Variants in TLE1 observed in about 807,000 individuals in gnomAD.
TLE1 encodes the protein TLE family member 1, transcriptional corepressor, also known as transducin-like enhancer protein 1.
TLE1 carries 21 observed loss-of-function variants against 89.8 expected under a neutral mutation model. That is an observed-to-expected ratio of 0.23 (90% confidence interval 0.17 to 0.34). TLE1 has a LOEUF of 0.34. TLE1 is among the 10% of genes least tolerant of loss of function. The probability of loss-of-function intolerance (pLI) is 1.00; values close to 1 mark genes in which losing one functional copy is unlikely to be tolerated. For synonymous variants in TLE1, 447 were observed against 407.6 expected (o/e 1.10, Z -1.16); for missense variants, 795 against 1,031.2 (o/e 0.77, Z 3.14).
intron 8 of TLE1, among the ~76,000 whole-genome samples, chr9:81,628,740 A>G (rs1487299844): frequency 6.8e-6 from 1 of 146,086 alleles, no homozygotes; most frequent in Non-Finnish European, 1.5e-5. Context: ...GGTCGCTCAG[A>G]TTACTAACTC....
At chr9:81,601,085 G>C (rs1237354439) in intron 14 of TLE1, among the ~76,000 whole-genome samples, 2 of 152,144 alleles carry the variant, frequency 1.3e-5, no homozygotes, top group African/African-American at 2.4e-5. Flanking sequence ...TATTGGTTCT[G>C]TTTCTCTGGA....
At chr9:81,618,705 TAA>T (rs756057481) in intron 9 of TLE1, among the ~76,000 whole-genome samples, 2 of 152,166 alleles carry the variant, frequency 1.3e-5, no homozygotes, top group Non-Finnish European at 2.9e-5. Flanking sequence ...AAATATAAAC[TAA>T]AAGAGTTTCT....
At chr9:81,614,638 A>C (rs559706655) in intron 11 of TLE1, among the ~76,000 whole-genome samples, 1 of 152,284 alleles carries the variant, frequency 6.6e-6, no homozygotes, top group East Asian at 1.9e-4. Flanking sequence ...GATAATGCCT[A>C]CCGGGACCAG....
At chr9:81,656,982 G>A (rs1243218293) in intron 4 of TLE1, among the ~76,000 whole-genome samples, 1 of 152,160 alleles carries the variant, frequency 6.6e-6, no homozygotes, top group African/African-American at 2.4e-5. Flanking sequence ...GAGGGTTCCT[G>A]CTCTCCCACC....
At chr9:81,610,360 T>C in intron 13 of TLE1, 64 bp from the exon 14 acceptor site, 1 of 1,197,944 alleles carries the variant, frequency 8.3e-7, no homozygotes, top group Non-Finnish European at 1.2e-6. Flanking sequence ...TGAACATCAA[T>C]ACTGTTCATT....
At chr9:81,676,374 G>A (rs574134536) in intron 4 of TLE1, among the ~76,000 whole-genome samples, 4 of 152,192 alleles carry the variant, frequency 2.6e-5, no homozygotes, top group Non-Finnish European at 5.9e-5. Context: ...CAAAACAAGT[G>A]CTGTGACAGC....
intron 4 of TLE1, among the ~76,000 whole-genome samples, chr9:81,677,971 A>G (rs1453836066): frequency 6.6e-6 from 1 of 152,168 alleles, no homozygotes; most frequent in Non-Finnish European, 1.5e-5. Context: ...AATTTTCAGA[A>G]TTTGTTTTTT....
intron 4 of TLE1, among the ~76,000 whole-genome samples, chr9:81,683,248 G>A (rs1431205477): frequency 6.7e-6 from 1 of 149,328 alleles, no homozygotes; most frequent in East Asian, 1.9e-4. Context: ...TAGTAACAAA[G>A]ATGTTGTCAA....
intron 4 of TLE1, among the ~76,000 whole-genome samples, chr9:81,670,515 G>A (rs553251182): frequency 2.0e-5 from 3 of 151,988 alleles, no homozygotes; most frequent in African/African-American, 4.8e-5. Flanking sequence ...TAGTAGAGAC[G>A]GGGTTTCACC....
At position 81,652,145 on chromosome 9, in the gene TLE1, C is replaced by T. The variant is rs747168754; in HGVS notation, c.372+69G>A. 16 of 1,129,160 alleles carry T rather than the reference C, an allele frequency of 1.4e-5. No individual in the cohort carries two copies. The African/African-American group carries it at 2.2e-4, about 15-fold the overall frequency. The allele number at this position is 1,129,160 out of a possible 1,614,324, so 69.9% of individuals were successfully genotyped here. On this transcript the variant is annotated intron_variant, in intron 6 of 19. Coordinates refer to ENST00000376499, the MANE Select transcript of TLE1 (RefSeq NM_005077.5). The stretch of plus-strand genomic sequence containing the variant: ...CACACACACACACACACACGTAAAG[C>T]CATCAAATTAATAAGAAATGAAAGC...
At chr9:81,686,835 T>C (rs1009693452) in intron 2 of TLE1, among the ~76,000 whole-genome samples, 1 of 152,188 alleles carries the variant, frequency 6.6e-6, no homozygotes, top group African/African-American at 2.4e-5. Flanking sequence ...TTCTTCTTTA[T>C]ACTATTATAC....
chr9:81,666,900 C>T (rs979893990), intron 4 of TLE1, among the ~76,000 whole-genome samples: 6 of 151,836 alleles, frequency 4.0e-5, no homozygotes, highest in Admixed American at 2.0e-4. Context: ...AGAGGATCAC[C>T]GCAGAGCAGG....
chr9:81,661,694 CAG>C (rs1011118378), intron 4 of TLE1, among the ~76,000 whole-genome samples: 1 of 152,058 alleles, frequency 6.6e-6, no homozygotes, highest in Admixed American at 6.6e-5. Context: ...AGGAAATAAA[CAG>C]ATAACCTCTA....
At chr9:81,661,567 C>G (rs1830799545) in intron 4 of TLE1, among the ~76,000 whole-genome samples, 1 of 152,114 alleles carries the variant, frequency 6.6e-6, no homozygotes, top group Non-Finnish European at 1.5e-5. Flanking sequence ...GGCTGGCAAA[C>G]TGATCTTCTG....
rs1829863220 is a variant in TLE1, at chr9:81,653,999, T to C, written c.272A>G (p.Gln91Arg). 6.2e-7 allele frequency: 1 copy of C among 1,613,954 alleles called. No individual in the cohort carries two copies. Among genetic ancestry groups the C allele is most frequent in the Non-Finnish European group, 8.5e-7 (1 of 1,179,992 alleles). The change falls in exon 5 of 20, where the codon CAA becomes CGA. Residue 91 changes from glutamine (Q) to arginine (R), a missense_variant. By Grantham distance (43) the Gln-to-Arg change is conservative (BLOSUM62 1). This residue lies in a region of TLE1 where 66 missense variants were observed against 118.7 expected (regional missense o/e 0.56). Coordinates refer to ENST00000376499, the MANE Select transcript of TLE1 (RefSeq NM_005077.5). The stretch of plus-strand genomic sequence containing the variant: ...TTCCTGAGACAGAAATGGGATGACT[T>C]GTGCACAAATCGTATTCAATCTCTT... ...IAKRLNTICA[Q>R]VIPFLSQEHQ...
intron 8 of TLE1, among the ~76,000 whole-genome samples, chr9:81,630,148 CAGTA>C (rs1356448881): frequency 1.3e-5 from 2 of 150,484 alleles, no homozygotes; most frequent in Non-Finnish European, 3.0e-5. Flanking sequence ...AAAAAAAAAA[CAGTA>C]AGGAGTTCGT....
At chr9:81,618,603 C>A (rs1824851861) in intron 9 of TLE1, among the ~76,000 whole-genome samples, 1 of 152,050 alleles carries the variant, frequency 6.6e-6, no homozygotes, top group African/African-American at 2.4e-5. Context: ...CAATAAAGAA[C>A]AAAACTAATA....
At chr9:81,655,804 G>C (rs1241064947) in intron 4 of TLE1, among the ~76,000 whole-genome samples, 3 of 147,666 alleles carry the variant, frequency 2.0e-5, no homozygotes, top group Non-Finnish European at 4.4e-5. Context: ...GGTGAGCTGA[G>C]ATCGCGCCAC....
At chr9:81,648,091 G>A (rs1338110983) in intron 6 of TLE1, among the ~76,000 whole-genome samples, 2 of 152,068 alleles carry the variant, frequency 1.3e-5, no homozygotes, top group Middle Eastern at 3.4e-3. Flanking sequence ...GGCCAACATG[G>A]TGAAACCCTG....
Sources: allele counts gnomAD v4.1 joint callset (sites outside exome capture counted in the v4.1 genomes callset), GRCh38; gene constraint gnomAD v4.1.1; regional missense constraint gnomAD v4.1.1; transcripts MANE v1.5; gene names NCBI Gene and HGNC (gene_info 2026-07-23, HGNC 2026-07-21).